DOCK8: variants seen among roughly 807,000 people sequenced by gnomAD.
DOCK8 encodes the protein dedicator of cytokinesis protein 8.
Under a neutral mutation model 245.6 loss-of-function variants are expected in DOCK8, and 141 were observed. That is an observed-to-expected ratio of 0.57 (90% CI 0.50 to 0.66). The LOEUF (loss-of-function observed/expected upper bound fraction) is 0.66, where lower values mean the gene tolerates loss of function less well. Among genes scored for constraint, DOCK8 ranks in the 30% least tolerant of loss-of-function variants. The probability of loss-of-function intolerance (pLI) is 0.00; values close to 1 mark genes in which losing one functional copy is unlikely to be tolerated. For synonymous variants in DOCK8, 1,168 were observed against 970.2 expected, an observed-to-expected ratio of 1.20 and a Z score of -3.79; for missense variants, 2,965 against 2,603.4, an observed-to-expected ratio of 1.14 and a Z score of -3.02.
At chr9:403,994 GTATATATA>G (rs748371928) in intron 26 of DOCK8, among the ~76,000 whole-genome samples, 1 of 70,482 alleles carries the variant, frequency 1.4e-5, no homozygotes, top group Non-Finnish European at 2.4e-5. Context: ...ATATATATGT[GTATATATA>G]TATATATATA....
At position 390,460 on chromosome 9, in the gene DOCK8, T is replaced by C. The variant is rs1368133633; in HGVS notation, c.2875-11T>C. 5.6e-6 allele frequency: 9 copies of C among 1,613,196 alleles called. No homozygotes were observed. The highest frequency in any genetic ancestry group is 3.3e-4 in the Middle Eastern group (2 of 6,082). On this transcript the variant is annotated splice_polypyrimidine_tract_variant and intron_variant, in intron 23 of 47. Transcript: ENST00000432829. ...TTGTTTCACAGCCTAATTTTTGTGG[T>C]TCTTATTTAGCATTTCCATGAGGAG...
chr9:367,329 C>G (rs150781756), intron 14 of DOCK8, among the ~76,000 whole-genome samples: 31 of 152,264 alleles, frequency 2.0e-4, no homozygotes, highest in Non-Finnish European at 2.1e-4. Flanking sequence ...GGAGATACAT[C>G]AGTGAATCAA....
At chr9:271,175 G>C (rs1269186922) in intron 1 of DOCK8, among the ~76,000 whole-genome samples, 3 of 152,184 alleles carry the variant, frequency 2.0e-5, no homozygotes, top group Non-Finnish European at 2.9e-5. Flanking sequence ...CAGTTCTCTG[G>C]TGTTCTCTGT....
At chr9:275,008 TG>T (rs1430034915) in intron 2 of DOCK8, among the ~76,000 whole-genome samples, 2 of 152,256 alleles carry the variant, frequency 1.3e-5, no homozygotes, top group African/African-American at 4.8e-5. Flanking sequence ...GCTGCTGTTT[TG>T]CAAGAGTGAA....
intron 33 of DOCK8, among the ~76,000 whole-genome samples, chr9:426,619 C>T (rs1278216193): frequency 6.6e-6 from 1 of 152,142 alleles, no homozygotes; most frequent in East Asian, 1.9e-4. Flanking sequence ...CTTCTCTACC[C>T]ATAGTGTTAT....
At chr9:403,965 T>TATATATAC (rs2055283295) in intron 26 of DOCK8, among the ~76,000 whole-genome samples, 6 of 89,052 alleles carry the variant, frequency 6.7e-5, no homozygotes, top group African/African-American at 4.2e-4. Flanking sequence ...TATATGTATA[T>TATATATAC]ATATATATAT....
chr9:382,415 G>A, intron 21 of DOCK8, 98 bp from the exon 22 acceptor site: 4 of 1,537,864 alleles, frequency 2.6e-6, no homozygotes, highest in South Asian at 2.2e-5. Flanking sequence ...TAATCCGGTG[G>A]CTTTTCATCC....
Position 464,426 on chromosome 9 carries a change from G to A in DOCK8, c.*207G>A. The A allele has an allele frequency of 1.6e-6, 1 of 634,034 alleles. No homozygotes were observed. Among genetic ancestry groups the A allele is most frequent in the Non-Finnish European group, 2.8e-6 (1 of 354,164 alleles). 39.3% of individuals were successfully genotyped at this position (634,034 alleles called of 1,614,324 possible). ...TTTTTGCCATACTGGGGGGTGGCGG[G>A]ATGGAGGATGGGTACTCAGGCATGA... On this transcript the variant is annotated 3_prime_UTR_variant, in exon 48 of 48. Transcript: ENST00000432829.
rs10974618 is a variant in DOCK8 at position 464,331 on chromosome 9, T to C, written c.*112T>C. The stretch of plus-strand genomic sequence containing the variant: ...CCAGGACTGACTGTACACTCCCTGA[T>C]CAGCCAGCACTCTGGAAGCTTTGGG... On this transcript the variant is annotated 3_prime_UTR_variant, in exon 48 of 48. Transcript: ENST00000432829. 0.062 allele frequency: 56,227 copies of C among 910,406 alleles called. 2,903 individuals carry two copies. Among genetic ancestry groups the C allele is most frequent in the South Asian group, 0.18 (13,980 of 76,128 alleles). The allele number at this position is 910,406 out of a possible 1,614,324, so 56.4% of individuals were successfully genotyped here. A position where few individuals can be genotyped will look rare whatever the true frequency, so the allele number is the denominator to read the frequency against.
At chr9:367,970 A>T (rs760370049) in intron 14 of DOCK8, 48 bp from the exon 15 acceptor site, 1 of 1,498,992 alleles carries the variant, frequency 6.7e-7, no homozygotes, top group South Asian at 1.1e-5. Context: ...ACTTAGTTAA[A>T]ATAAACTCTA....
chr9:223,000 G>A (rs1259279576), intron 1 of DOCK8, among the ~76,000 whole-genome samples: 3 of 152,024 alleles, frequency 2.0e-5, no homozygotes, highest in Non-Finnish European at 4.4e-5. Flanking sequence ...GTTTTCACTT[G>A]GATGAGAGAA....
chr9:432,053 CG>C (rs1276371751), intron 36 of DOCK8, 112 bp from the exon 37 acceptor site: 1 of 1,067,214 alleles, frequency 9.4e-7, no homozygotes, highest in African/African-American at 1.6e-5. Context: ...ATAATTAAGA[CG>C]GGGCAAAGGA....
rs1376704871 is a variant in DOCK8, at chr9:340,154, T to C, written c.1517-5T>C. 2 of 1,613,890 alleles carry C rather than the reference T, an allele frequency of 1.2e-6. No individual in the cohort carries two copies. The highest frequency in any genetic ancestry group is 2.7e-5 in the African/African-American group (2 of 74,918). On this transcript the variant is annotated splice_region_variant and splice_polypyrimidine_tract_variant and intron_variant, in intron 13 of 47. Transcript: ENST00000432829. ...TACTAGAACATTCCTATTTTCTCTC[T>C]TTAGGCTTGCTAAGACTGGAGATTT...
intron 1 of DOCK8, among the ~76,000 whole-genome samples, chr9:232,307 A>G (rs530166190): frequency 6.6e-6 from 1 of 152,306 alleles, no homozygotes; most frequent in African/African-American, 2.4e-5. Context: ...CCAGTATTTT[A>G]TTGAGTATTT....
At chr9:342,279 GAT>G (rs919237091) in intron 14 of DOCK8, among the ~76,000 whole-genome samples, 33 of 141,532 alleles carry the variant, frequency 2.3e-4, no homozygotes, top group African/African-American at 8.5e-4. Context: ...TCAAAAGATT[GAT>G]TTGTTTTTCT....
At chr9:458,497 A>C (rs567576236) in intron 46 of DOCK8, 16 of 152,332 alleles carry the variant, frequency 1.1e-4, no homozygotes, top group African/African-American at 3.6e-4. Flanking sequence ...TGAGGAACCC[A>C]TGTATGGGCT....
intron 1 of DOCK8, among the ~76,000 whole-genome samples, chr9:231,678 C>T (rs1041912753): frequency 1.1e-4 from 16 of 152,228 alleles, no homozygotes; most frequent in African/African-American, 3.6e-4. Flanking sequence ...TGGGAGTTCA[C>T]TCATGATTTG....
Position 269,149 on chromosome 9 carries a change from A to T in DOCK8, c.54-2478A>T, listed in dbSNP as rs151182831. On this transcript the variant is annotated intron_variant, in intron 1 of 47. Transcript: ENST00000432829. Reference sequence around the variant, plus strand: ...GTATTCACAGTCATCACTACAATCAATTTCAGAACATTTTCATTACTCCAA... The same window carrying T: ...GTATTCACAGTCATCACTACAATCATTTTCAGAACATTTTCATTACTCCAA... Among the ~76,000 whole-genome samples, 26 of 152,302 alleles carry T rather than the reference A, an allele frequency of 1.7e-4. No homozygotes were observed. The East Asian group carries it at 4.2e-3, about 25-fold the overall frequency.
At position 328,143 on chromosome 9, in the gene DOCK8, C is replaced by G; in HGVS notation, c.1016C>G (p.Pro339Arg). ...ARSAVFSVTYPSSDIYLVVKI... is the reference protein window; with the variant it reads ...ARSAVFSVTYRSSDIYLVVKI... ...TCTGCAGTCTTCTCAGTCACCTACC[C>G]GTCCTCAGACATCTACCTGGTAGTC... Residue 339 changes from proline (P) to arginine (R), a missense_variant, in exon 9 of 48, where the codon CCG becomes CGG. Around this residue, in one of 3 missense-constraint regions of DOCK8, gnomAD observed 2,825 missense variants for 2,453.5 expected, o/e 1.15. Transcript: ENST00000432829. 1.9e-6 allele frequency: 3 copies of G among 1,614,076 alleles called. No homozygotes were observed. The highest frequency in any genetic ancestry group is 2.5e-6 in the Non-Finnish European group (3 of 1,179,978).
Sources: gnomAD v4.1 joint callset for allele counts (sites outside exome capture counted in the v4.1 genomes callset) on GRCh38, gnomAD v4.1.1 for gene constraint, gnomAD v4.1.1 regional missense constraint, MANE v1.5 for transcripts, NCBI Gene and HGNC (gene_info 2026-07-23, HGNC 2026-07-21) for gene names.